Variants in FGF13 observed in about 807,000 individuals in gnomAD.
FGF13 encodes fibroblast growth factor 13.
In FGF13, 2 loss-of-function variants were observed where a neutral mutation model predicts 19.5. The observed-to-expected ratio is 0.10, with a 90% CI of 0.04 to 0.32. The LOEUF (loss-of-function observed/expected upper bound fraction) is 0.32, where lower values mean the gene tolerates loss of function less well. Among genes scored for constraint, FGF13 ranks in the 10% least tolerant of loss-of-function variants. The pLI is 1.00. For synonymous variants in FGF13, 72 were observed against 76.9 expected (o/e 0.94, Z 0.33); for missense variants, 113 against 192.7 (o/e 0.59, Z 2.45).
intron 1 of FGF13, among the ~76,000 whole-genome samples, chrX:139,070,524 TTGG>T (rs2092373197): frequency 8.9e-6 from 1 of 112,180 alleles, no homozygotes; most frequent in African/African-American, 3.2e-5. Flanking sequence ...TTTTACACTG[TTGG>T]TGGGAGTGTA....
intron 1 of FGF13, among the ~76,000 whole-genome samples, chrX:139,114,014 A>G (rs757836731): frequency 6.2e-5 from 7 of 112,114 alleles, no homozygotes; most frequent in Non-Finnish European, 1.1e-4. Flanking sequence ...CTTCGATGGC[A>G]AGTCATCAAG....
intron 3 of FGF13, among the ~76,000 whole-genome samples, chrX:138,756,261 G>C (rs188842157): frequency 1.8e-5 from 2 of 112,733 alleles, no homozygotes; most frequent in African/African-American, 3.2e-5. Context: ...CCAGAGAAAA[G>C]AGAAGGCAGC....
intron 1 of FGF13, among the ~76,000 whole-genome samples, chrX:138,971,070 C>T (rs931961727): frequency 9.0e-6 from 1 of 111,485 alleles, no homozygotes; most frequent in East Asian, 2.8e-4. Context: ...AGAATATATG[C>T]AAATCTGGGG....
intron 1 of FGF13, among the ~76,000 whole-genome samples, chrX:138,906,452 C>T (rs761352030): frequency 4.5e-5 from 5 of 111,689 alleles, no homozygotes; most frequent in Non-Finnish European, 7.5e-5. Flanking sequence ...AGTTCTAGGC[C>T]GTGGGGACAT....
chrX:138,919,223 G>C (rs1163798063), intron 1 of FGF13, among the ~76,000 whole-genome samples: 2 of 111,620 alleles, frequency 1.8e-5, no homozygotes, highest in South Asian at 7.5e-4. Context: ...ACGAGGATTA[G>C]TGCTAATAAT....
intron 1 of FGF13, among the ~76,000 whole-genome samples, chrX:139,012,723 A>C (rs1486321518): frequency 1.8e-5 from 2 of 112,297 alleles, no homozygotes; most frequent in Non-Finnish European, 3.8e-5. Flanking sequence ...ACTTAAATTT[A>C]AGACTGAAGC....
intron 1 of FGF13, among the ~76,000 whole-genome samples, chrX:139,097,398 A>G (rs1366946306): frequency 1.8e-5 from 2 of 111,595 alleles, no homozygotes; most frequent in African/African-American, 3.3e-5. Context: ...CCTGGGCCAC[A>G]TGTGGCTCAT....
At chrX:139,004,349 C>T (rs905444299) in intron 1 of FGF13, among the ~76,000 whole-genome samples, 1 of 112,894 alleles carries the variant, frequency 8.9e-6, no homozygotes, top group Non-Finnish European at 1.9e-5. Flanking sequence ...CACGCCCACC[C>T]GGAACTCCAG....
chrX:138,904,299 G>A (rs1334295759), intron 1 of FGF13, among the ~76,000 whole-genome samples: 1 of 111,466 alleles, frequency 9.0e-6, no homozygotes, highest in African/African-American at 3.3e-5. Context: ...GTGTATCGTG[G>A]TTGTGTGGGG....
At chrX:138,639,864 G>A (rs1240071193) in intron 3 of FGF13, among the ~76,000 whole-genome samples, 2 of 109,936 alleles carry the variant, frequency 1.8e-5, no homozygotes, top group Admixed American at 1.9e-4. Flanking sequence ...ATGGTGGTGG[G>A]CACCTGTAGT....
intron 1 of FGF13, among the ~76,000 whole-genome samples, chrX:138,952,746 C>T (rs1291613822): frequency 9.0e-6 from 1 of 111,611 alleles, no homozygotes; most frequent in Admixed American, 9.5e-5. Flanking sequence ...AAACAAACAA[C>T]CCCATCAACA....
At chrX:139,018,769 C>T (rs765134763) in intron 1 of FGF13, among the ~76,000 whole-genome samples, 6 of 110,271 alleles carry the variant, frequency 5.4e-5, no homozygotes, top group African/African-American at 1.3e-4. Context: ...CAGGAAATTT[C>T]CCTCCTTTAC....
rs2091854081 is a variant in FGF13, at chrX:138,958,729, TTCTTCC to T, written c.-112-94085_-112-94080del. Among the ~76,000 whole-genome samples the T allele has an allele frequency of 8.0e-5, 9 of 111,883 alleles. No homozygotes were observed. The East Asian group carries it at 1.4e-3, about 18-fold the overall frequency. On this transcript the variant is annotated intron_variant, in intron 1 of 2. Coordinates refer to the FGF13 transcript ENST00000421460. The stretch of plus-strand genomic sequence containing the variant: ...TTATTGGTCTATTCAAGGATTCAAC[TTCTTCC>T]TGGTTTAGTCTTGGGAGGGTGTATG...
At chrX:138,860,046 GA>G (rs1209597432) in intron 2 of FGF13, among the ~76,000 whole-genome samples, 2 of 107,944 alleles carry the variant, frequency 1.9e-5, no homozygotes, top group East Asian at 2.9e-4. Flanking sequence ...AAGCAAAACA[GA>G]AAAAAAAAGA....
intron 1 of FGF13, among the ~76,000 whole-genome samples, chrX:139,001,121 T>C (rs1157587435): frequency 8.9e-6 from 1 of 112,183 alleles, no homozygotes; most frequent in South Asian, 3.7e-4. Flanking sequence ...CTGGGAAAAC[T>C]GGCTAGCCAT....
At chrX:138,952,832 C>G (rs2091820669) in intron 1 of FGF13, among the ~76,000 whole-genome samples, 1 of 111,288 alleles carries the variant, frequency 9.0e-6, no homozygotes, top group African/African-American at 3.3e-5. Context: ...AAAAAATGCT[C>G]ATCATCACTG....
chrX:139,019,926 GA>G (rs923696207), intron 1 of FGF13, among the ~76,000 whole-genome samples: 13 of 102,981 alleles, frequency 1.3e-4, no homozygotes, highest in Admixed American at 2.1e-4. Context: ...TCAAAGGTGT[GA>G]AAAAAAAAAG....
intron 1 of FGF13, among the ~76,000 whole-genome samples, chrX:138,961,668 G>C (rs961510156): frequency 8.9e-6 from 1 of 111,803 alleles, no homozygotes; most frequent in African/African-American, 3.3e-5. Flanking sequence ...GAACAGAACA[G>C]AGCCCTCAGA....
At chrX:139,095,200 C>T (rs1219919410) in intron 1 of FGF13, among the ~76,000 whole-genome samples, 9 of 111,877 alleles carry the variant, frequency 8.0e-5, no homozygotes, top group Admixed American at 2.8e-4. Context: ...AACTACCTGA[C>T]AAAGCAGAGA....
Sources: gnomAD v4.1 joint callset for allele counts (sites outside exome capture counted in the v4.1 genomes callset) on GRCh38, gnomAD v4.1.1 for gene constraint, MANE v1.5 for transcripts, NCBI Gene and HGNC (gene_info 2026-07-23, HGNC 2026-07-21) for gene names.